PRKAR1B: variants seen among roughly 807,000 people sequenced by gnomAD.
The protein encoded by PRKAR1B is protein kinase cAMP-dependent type I regulatory subunit beta, also known as cAMP-dependent protein kinase type I-beta regulatory subunit.
Under a neutral mutation model 46.5 loss-of-function variants are expected in PRKAR1B, and 22 were observed. That is an observed-to-expected ratio of 0.47 (90% CI 0.34 to 0.68). PRKAR1B has a LOEUF of 0.68. Ranked by LOEUF, PRKAR1B falls within the 30% of genes least tolerant of loss-of-function variation. The pLI is 0.01. For missense variants in PRKAR1B, 445 were observed against 535.6 expected (o/e 0.83, Z 1.67); for synonymous variants, 259 against 217.7 (o/e 1.19, Z -1.67).
At chr7:700,634 G>C (rs1486233518) in intron 2 of PRKAR1B, among the ~76,000 whole-genome samples, 1 of 151,840 alleles carries the variant, frequency 6.6e-6, no homozygotes, top group Non-Finnish European at 1.5e-5. Flanking sequence ...TCTTGGAATT[G>C]GTGGGGGAAT....
intron 4 of PRKAR1B, among the ~76,000 whole-genome samples, chr7:618,308 T>C (rs189546732): frequency 6.6e-6 from 1 of 152,340 alleles, no homozygotes; most frequent in African/African-American, 2.4e-5. Flanking sequence ...ATCTTTTCTT[T>C]AAACCCCAGA....
chr7:583,581 T>C (rs1583246263), intron 8 of PRKAR1B, among the ~76,000 whole-genome samples: 1 of 58,020 alleles, frequency 1.7e-5, no homozygotes, highest in African/African-American at 8.3e-5. Context: ...CACACACACT[T>C]GCACACTCCC....
At chr7:639,841 A>G (rs1784295907) in intron 4 of PRKAR1B, among the ~76,000 whole-genome samples, 1 of 151,810 alleles carries the variant, frequency 6.6e-6, no homozygotes, top group Non-Finnish European at 1.5e-5. Flanking sequence ...TGGGCAACAG[A>G]GCAAGAATCC....
At chr7:635,982 G>A (rs1408922843) in intron 4 of PRKAR1B, among the ~76,000 whole-genome samples, 2 of 102,226 alleles carry the variant, frequency 2.0e-5, no homozygotes, top group South Asian at 3.4e-4. Flanking sequence ...TCCACCGGCC[G>A]CGCCCTCACG....
intron 2 of PRKAR1B, among the ~76,000 whole-genome samples, chr7:690,197 G>A (rs781661116): frequency 1.3e-4 from 20 of 151,966 alleles, no homozygotes; most frequent in African/African-American, 4.6e-4. Context: ...TCTGGAGGCC[G>A]AGGCAGGAGA....
chr7:642,890 G>C (rs1206134834), intron 4 of PRKAR1B, among the ~76,000 whole-genome samples: 1 of 151,462 alleles, frequency 6.6e-6, no homozygotes. Flanking sequence ...GCAGTCATCT[G>C]TCCTGGGTTC....
intron 8 of PRKAR1B, among the ~76,000 whole-genome samples, chr7:579,786 C>T (rs1251399482): frequency 1.3e-5 from 2 of 152,222 alleles, no homozygotes; most frequent in African/African-American, 4.8e-5. Context: ...AGCACAAAGC[C>T]TACTAAGTGG....
intron 2 of PRKAR1B, among the ~76,000 whole-genome samples, chr7:689,137 G>A (rs1779270127): frequency 6.6e-6 from 1 of 151,482 alleles, no homozygotes; most frequent in Non-Finnish European, 1.5e-5. Flanking sequence ...TTTTTTTGAG[G>A]CAGAGTCTCG....
At chr7:648,152 TA>T (rs796874822) in intron 4 of PRKAR1B, among the ~76,000 whole-genome samples, 242 of 141,914 alleles carry the variant, frequency 1.7e-3, no homozygotes, top group Middle Eastern at 3.6e-3. Flanking sequence ...CCTCCAAAAT[TA>T]AAAAAAAAAA....
intron 2 of PRKAR1B, among the ~76,000 whole-genome samples, chr7:695,964 C>CT (rs766921714): frequency 0.027 from 2,710 of 101,986 alleles, 61 homozygotes; most frequent in South Asian, 0.043. Flanking sequence ...GCGCCCAACC[C>CT]TTTTTTTTTT....
At chr7:572,672 A>G (rs1048833363) in intron 9 of PRKAR1B, among the ~76,000 whole-genome samples, 2 of 152,204 alleles carry the variant, frequency 1.3e-5, no homozygotes, top group African/African-American at 4.8e-5. Context: ...GCAGGCTGCC[A>G]TTGCAGACTG....
chr7:578,369 G>A (rs1015887236), intron 9 of PRKAR1B, among the ~76,000 whole-genome samples: 2 of 152,224 alleles, frequency 1.3e-5, no homozygotes, highest in African/African-American at 2.4e-5. Flanking sequence ...CCTGCCTGTG[G>A]TGGGGCCGTG....
In PRKAR1B at chr7:549,250, G is replaced by GT. The variant is rs1232019955; in HGVS notation, c.*1179_*1180insA. 6.6e-6 allele frequency: 1 copy of GT among 152,308 alleles called. No individual in the cohort carries two copies. The highest frequency in any genetic ancestry group is 1.5e-5 in the Non-Finnish European group (1 of 68,100). The allele number at this position is 152,308 out of a possible 1,614,324, so 9.4% of individuals were successfully genotyped here. On this transcript the variant is annotated 3_prime_UTR_variant, in exon 11 of 11. Coordinates refer to ENST00000537384, the MANE Select transcript of PRKAR1B (RefSeq NM_001164760.2). ...GCAGTATTCAGAGCAGAGATAAGGGGGGGGATGGCTCACAGGTCCACAGGG... is the reference window on the plus strand; with the variant it reads ...GCAGTATTCAGAGCAGAGATAAGGGGTGGGGATGGCTCACAGGTCCACAGGG...
At chr7:585,746 A>G (rs1780560121) in intron 7 of PRKAR1B, among the ~76,000 whole-genome samples, 1 of 152,068 alleles carries the variant, frequency 6.6e-6, no homozygotes, top group African/African-American at 2.4e-5. Context: ...AGAGGCAGAA[A>G]CTGCAGCTCC....
intron 9 of PRKAR1B, among the ~76,000 whole-genome samples, chr7:554,725 C>T (rs1304786468): frequency 2.7e-5 from 4 of 148,864 alleles, no homozygotes; most frequent in African/African-American, 7.4e-5. Context: ...CCCACAGAGC[C>T]GGAAGACAGG....
intron 4 of PRKAR1B, among the ~76,000 whole-genome samples, chr7:618,149 C>A (rs993962104): frequency 6.6e-6 from 1 of 152,198 alleles, no homozygotes; most frequent in Non-Finnish European, 1.5e-5. Context: ...AGCCCGCACA[C>A]CCATATCCCT....
intron 9 of PRKAR1B, among the ~76,000 whole-genome samples, chr7:571,133 A>C (rs1779486424): frequency 6.6e-6 from 1 of 152,192 alleles, no homozygotes; most frequent in African/African-American, 2.4e-5. Context: ...ACAAGTAGGA[A>C]CTGAAAGGGC....
chr7:593,380 A>C lies in PRKAR1B; in HGVS notation c.708+2766T>G, dbSNP rs183003967. ...CGGGGCCAATACAGAAACAGACACC[A>C]TCCTGCAAATGCTCCCGTCCAAACC... On this transcript the variant is annotated intron_variant, in intron 7 of 10. Transcript: ENST00000537384. The surrounding 1 kb of genome is among the most constrained non-coding windows in gnomAD (Gnocchi z 6.1). Among the ~76,000 whole-genome samples, 138 of 152,282 alleles carry C rather than the reference A, an allele frequency of 9.1e-4. No homozygotes were observed. Among genetic ancestry groups the C allele is most frequent in the African/African-American group, 3.1e-3 (130 of 41,570 alleles).
chr7:566,053 A>C (rs1283949823), intron 9 of PRKAR1B, among the ~76,000 whole-genome samples: 1 of 152,214 alleles, frequency 6.6e-6, no homozygotes, highest in Admixed American at 6.5e-5. Context: ...TCATTACCTC[A>C]GAGACTCGTA....
Sources: allele counts gnomAD v4.1 joint callset (sites outside exome capture counted in the v4.1 genomes callset), GRCh38; gene constraint gnomAD v4.1.1; non-coding constraint Gnocchi (gnomAD v3.1); transcripts MANE v1.5; gene names NCBI Gene and HGNC (gene_info 2026-07-23, HGNC 2026-07-21).